Variants in PLCB4 observed in about 807,000 individuals in gnomAD.
PLCB4 encodes the protein 1-phosphatidylinositol 4,5-bisphosphate phosphodiesterase beta-4.
In PLCB4, 77 loss-of-function variants were observed where a neutral mutation model predicts 178.8. The observed-to-expected ratio is 0.43, with a 90% CI of 0.36 to 0.52. The LOEUF is 0.52. Among genes scored for constraint, PLCB4 ranks in the 20% least tolerant of loss-of-function variants. The pLI, the probability that PLCB4 is intolerant of heterozygous loss-of-function variation, is 0.00. For missense variants in PLCB4, 1,024 were observed against 1,453.4 expected (o/e 0.70, Z 4.80); for synonymous variants, 496 against 490.8 (o/e 1.01, Z -0.14).
At chr20:9,460,445 G>A (rs1435117564) in intron 35 of PLCB4, among the ~76,000 whole-genome samples, 2 of 152,162 alleles carry the variant, frequency 1.3e-5, no homozygotes, top group African/African-American at 4.8e-5. Flanking sequence ...CTTCCTTACA[G>A]TGTTAGGACT....
intron 2 of PLCB4, among the ~76,000 whole-genome samples, chr20:9,129,207 CTG>C (rs912784141): frequency 1.3e-5 from 2 of 152,154 alleles, no homozygotes; most frequent in African/African-American, 2.4e-5. Flanking sequence ...CTGCCTGCAT[CTG>C]TGTCTTCTTA....
chr20:9,347,171 G>C (rs993493826), intron 7 of PLCB4, among the ~76,000 whole-genome samples: 43 of 152,174 alleles, frequency 2.8e-4, no homozygotes, highest in African/African-American at 1.0e-3. Flanking sequence ...GACAAATACG[G>C]GAGGGTGTGG....
chr20:9,439,684 G>A (rs1568839706), intron 30 of PLCB4, among the ~76,000 whole-genome samples: 2 of 152,186 alleles, frequency 1.3e-5, no homozygotes, highest in Non-Finnish European at 2.9e-5. Flanking sequence ...GGTTGGTGGT[G>A]TGTACTAAGT....
At chr20:9,263,625 T>C (rs2094320080) in intron 3 of PLCB4, among the ~76,000 whole-genome samples, 2 of 152,210 alleles carry the variant, frequency 1.3e-5, no homozygotes, top group Non-Finnish European at 2.9e-5. Context: ...GCTACTGAGA[T>C]GGCTTCTTCC....
At chr20:9,340,922 G>A (rs187909312) in intron 7 of PLCB4, among the ~76,000 whole-genome samples, 17 of 152,210 alleles carry the variant, frequency 1.1e-4, no homozygotes, top group Admixed American at 5.2e-4. Context: ...TAGGATGACA[G>A]AGGCCAAGAA....
At position 9,124,015 on chromosome 20, in the gene PLCB4, G is replaced by A. The variant is rs143647517; in HGVS notation, c.-79+27673G>A. Reference sequence around the variant, plus strand: ...TTCCAACACATCTGTATTTATGTATGCTGAATTTTGAATTTCATATAATTA... The same window carrying A: ...TTCCAACACATCTGTATTTATGTATACTGAATTTTGAATTTCATATAATTA... On this transcript the variant is annotated intron_variant, in intron 2 of 39. Transcript: ENST00000378473. 9.2e-5 allele frequency among the ~76,000 whole-genome samples: 14 copies of A among 152,204 alleles called. No individual in the cohort carries two copies. In the East Asian group the frequency reaches 2.3e-3, roughly 25 times the overall value.
intron 7 of PLCB4, among the ~76,000 whole-genome samples, chr20:9,344,791 T>A (rs2033626555): frequency 1.3e-5 from 2 of 152,208 alleles, no homozygotes; most frequent in Non-Finnish European, 2.9e-5. Flanking sequence ...GACCCTGGTG[T>A]CCTGGCCTCT....
rs1218494920 is a variant in PLCB4, at chr20:9,246,780, CTCGACTGGGTAAA to C, written c.-16+29330_-16+29342del. Among the ~76,000 whole-genome samples, 3 of 152,234 alleles carry C rather than the reference CTCGACTGGGTAAA, an allele frequency of 2.0e-5. No individual in the cohort carries two copies. The East Asian group carries it at 5.8e-4, about 29-fold the overall frequency. ...GTTATTCAATATGACTGGATTTGAA[CTCGACTGGGTAAA>C]TTGCCTTGTTTTAGTTGCTTAGGGG... On this transcript the variant is annotated intron_variant, in intron 3 of 39. Transcript: ENST00000378473.
chr20:9,319,595 G>A (rs890054072), intron 4 of PLCB4, among the ~76,000 whole-genome samples: 4 of 152,152 alleles, frequency 2.6e-5, no homozygotes, highest in Admixed American at 2.6e-4. Flanking sequence ...AGCCAATGGT[G>A]TGTAAGTGTC....
At chr20:9,327,514 C>T (rs1023198236) in intron 4 of PLCB4, among the ~76,000 whole-genome samples, 17 of 151,838 alleles carry the variant, frequency 1.1e-4, no homozygotes, top group African/African-American at 4.1e-4. Flanking sequence ...CGGTGGCTCC[C>T]GCCTGTAGTC....
intron 2 of PLCB4, among the ~76,000 whole-genome samples, chr20:9,131,929 G>A (rs2092282280): frequency 6.6e-6 from 1 of 152,028 alleles, no homozygotes; most frequent in Non-Finnish European, 1.5e-5. Context: ...TAAGTGATTG[G>A]CCACATCGAT....
At chr20:9,217,004 G>T (rs779021084) in intron 2 of PLCB4, among the ~76,000 whole-genome samples, 5 of 152,196 alleles carry the variant, frequency 3.3e-5, no homozygotes, top group Non-Finnish European at 5.9e-5. Flanking sequence ...GTTATAAAAA[G>T]AGTTTTTTCC....
At chr20:9,177,694 C>A (rs1362032516) in intron 2 of PLCB4, among the ~76,000 whole-genome samples, 1 of 152,088 alleles carries the variant, frequency 6.6e-6, no homozygotes, top group Admixed American at 6.5e-5. Context: ...TTGATTTGAT[C>A]CTACTTGTTT....
intron 2 of PLCB4, among the ~76,000 whole-genome samples, chr20:9,215,954 A>G (rs2093726285): frequency 6.6e-6 from 1 of 152,196 alleles, no homozygotes; most frequent in Non-Finnish European, 1.5e-5. Flanking sequence ...ATGTCTTTTC[A>G]TATAGGTACA....
chr20:9,430,841 C>G (rs1568817877), intron 28 of PLCB4, among the ~76,000 whole-genome samples: 1 of 152,178 alleles, frequency 6.6e-6, no homozygotes, highest in Non-Finnish European at 1.5e-5. Flanking sequence ...AGCAGGAGGT[C>G]TCCAGGGGCT....
chr20:9,118,205 A>G lies in PLCB4; in HGVS notation c.-79+21863A>G, dbSNP rs567726231. Among the ~76,000 whole-genome samples the G allele has an allele frequency of 1.5e-4, 21 of 142,668 alleles. No homozygotes were observed. The East Asian group carries it at 1.6e-3, about 11-fold the overall frequency. 93.6% of individuals were successfully genotyped at this position (142,668 alleles called of 152,430 possible). A position where few individuals can be genotyped will look rare whatever the true frequency, so the allele number is the denominator to read the frequency against. ...CATCTAGCATTAGGTATATCTCCCA[A>G]TGCTATCCCTCCCCCCTCCCCCCAC... is the stretch of plus-strand genomic sequence containing the variant. On this transcript the variant is annotated intron_variant, in intron 2 of 39. Transcript: ENST00000378473.
chr20:9,423,270 T>G (rs1246239344), intron 27 of PLCB4, among the ~76,000 whole-genome samples: 4 of 152,344 alleles, frequency 2.6e-5, no homozygotes, highest in Non-Finnish European at 5.9e-5. Context: ...TCAGAGATAC[T>G]TAATTTATTT....
At chr20:9,106,335 C>G (rs1347555700) in intron 2 of PLCB4, among the ~76,000 whole-genome samples, 6 of 151,318 alleles carry the variant, frequency 4.0e-5, no homozygotes, top group African/African-American at 1.5e-4. Flanking sequence ...TTCTCGGTAA[C>G]TAAAATGACA....
intron 3 of PLCB4, among the ~76,000 whole-genome samples, chr20:9,238,626 A>G (rs1420323925): frequency 6.6e-6 from 1 of 152,208 alleles, no homozygotes; most frequent in East Asian, 1.9e-4. Flanking sequence ...CAGAGCATAA[A>G]AGGAAAGTGG....
Sources: allele counts gnomAD v4.1 joint callset (sites outside exome capture counted in the v4.1 genomes callset), GRCh38; gene constraint gnomAD v4.1.1; transcripts MANE v1.5; gene names NCBI Gene and HGNC (gene_info 2026-07-23, HGNC 2026-07-21).